The following PPEF1 variants were observed in gnomAD, a reference collection of about 807,000 sequenced individuals.
The protein encoded by PPEF1 is serine/threonine-protein phosphatase with EF-hands 1.
Under a neutral mutation model 53.3 loss-of-function variants are expected in PPEF1, and 12 were observed. That is an observed-to-expected ratio of 0.23 (90% CI 0.14 to 0.36). The LOEUF (loss-of-function observed/expected upper bound fraction) is 0.36. Among genes scored for constraint, PPEF1 ranks in the 10% least tolerant of loss-of-function variants. The pLI, the probability that PPEF1 is intolerant of heterozygous loss-of-function variation, is 1.00. For synonymous variants in PPEF1, 165 were observed against 176.7 expected, an observed-to-expected ratio of 0.93 and a Z score of 0.52; for missense variants, 334 against 490.4, an observed-to-expected ratio of 0.68 and a Z score of 3.01.
At chrX:18,685,141 G>A (rs1432393109) in intron 2 of PPEF1, among the ~76,000 whole-genome samples, 2 of 112,246 alleles carry the variant, frequency 1.8e-5, no homozygotes, top group Admixed American at 9.4e-5. Flanking sequence ...AACTGGGCAC[G>A]CAATAAGACT....
At chrX:18,777,004 C>CT (rs1296659069) in intron 6 of PPEF1, among the ~76,000 whole-genome samples, 2 of 112,596 alleles carry the variant, frequency 1.8e-5, no homozygotes, top group African/African-American at 6.4e-5. Flanking sequence ...TTGTATGTTG[C>CT]TTTACCATTT....
chrX:18,806,245 G>A (rs759677062), intron 11 of PPEF1, among the ~76,000 whole-genome samples, 158 bp from the exon 12 acceptor site: 1 of 111,231 alleles, frequency 9.0e-6, no homozygotes, highest in Admixed American at 9.7e-5. Context: ...GTTTTCCTCC[G>A]ATGCAGTCAT....
intron 8 of PPEF1, among the ~76,000 whole-genome samples, 179 bp from the exon 9 acceptor site, chrX:18,783,720 A>C (rs367549864): frequency 4.9e-4 from 54 of 110,863 alleles, no homozygotes; most frequent in African/African-American, 1.2e-3. Context: ...CATCTCAAAA[A>C]AAAAACAAAA....
chrX:18,775,596 G>C (rs938779512), intron 6 of PPEF1, among the ~76,000 whole-genome samples: 2 of 112,205 alleles, frequency 1.8e-5, no homozygotes, highest in South Asian at 7.4e-4. Flanking sequence ...GTTCTTTCTT[G>C]TATGTTCTTC....
Position 18,726,395 on chromosome X carries a change from T to TAAA in PPEF1, c.47-3786_47-3785insAAA, listed in dbSNP as rs2088421217. Among the ~76,000 whole-genome samples, 3 of 109,246 alleles carry TAAA rather than the reference T, an allele frequency of 2.7e-5. No homozygotes were observed. In the Admixed American group the frequency reaches 3.0e-4, roughly 11 times the overall value. The allele number at this position is 109,246 out of a possible 115,157, so 94.9% of individuals were successfully genotyped here. A position where few individuals can be genotyped will look rare whatever the true frequency, so the allele number is the denominator to read the frequency against. On this transcript the variant is annotated intron_variant, in intron 1 of 15. Transcript: ENST00000470157. ...ATAAATAAATAAATAAATAAATAAATGGCGGCCATTATTATTCAAAGGAAG... is the reference window on the plus strand; with the variant it reads ...ATAAATAAATAAATAAATAAATAAATAAAGGCGGCCATTATTATTCAAAGGAAG...
At chrX:18,806,570 T>C in intron 12 of PPEF1, 25 bp downstream of exon 12, 1 of 1,172,862 alleles carries the variant, frequency 8.5e-7, no homozygotes, top group Non-Finnish European at 1.1e-6. Context: ...CCGAGAGTGC[T>C]GAGCACTGGT....
chrX:18,765,067 A>G (rs764030198), intron 6 of PPEF1, among the ~76,000 whole-genome samples: 9 of 112,016 alleles, frequency 8.0e-5, no homozygotes, highest in Non-Finnish European at 1.7e-4. Context: ...AGCAAGATAT[A>G]TTTGGAGAGC....
At chrX:18,695,336 C>G (rs1313733216) in intron 4 of PPEF1, among the ~76,000 whole-genome samples, 1 of 112,912 alleles carries the variant, frequency 8.9e-6, no homozygotes, top group Non-Finnish European at 1.9e-5. Context: ...GACAGAAAAT[C>G]ACAGTCTTTT....
At chrX:18,698,148 A>G (rs981459068) in intron 5 of PPEF1, among the ~76,000 whole-genome samples, 1 of 112,146 alleles carries the variant, frequency 8.9e-6, no homozygotes, top group African/African-American at 3.2e-5. Context: ...TACCTAGAAC[A>G]TGGTCAGTGC....
At chrX:18,735,170 G>A (rs1224782482) in intron 3 of PPEF1, among the ~76,000 whole-genome samples, 4 of 111,775 alleles carry the variant, frequency 3.6e-5, no homozygotes, top group East Asian at 5.6e-4. Context: ...TGTTGCCATT[G>A]CTTTTGGTGT....
chrX:18,813,016 A>C (rs1342295593), intron 12 of PPEF1, among the ~76,000 whole-genome samples: 2 of 111,778 alleles, frequency 1.8e-5, no homozygotes, highest in Admixed American at 9.6e-5. Context: ...CTGGGATTAC[A>C]GATGTGAGCC....
chrX:18,719,402 A>G (rs1387760969), intron 1 of PPEF1, among the ~76,000 whole-genome samples: 1 of 103,943 alleles, frequency 9.6e-6, no homozygotes, highest in Non-Finnish European at 1.9e-5. Flanking sequence ...GCTGGAGTGC[A>G]GTGGCGCCAT....
chrX:18,769,188 C>G (rs1300438136), intron 6 of PPEF1, among the ~76,000 whole-genome samples: 1 of 111,893 alleles, frequency 8.9e-6, no homozygotes, highest in Non-Finnish European at 1.9e-5. Flanking sequence ...GGACTCTTCC[C>G]CACTGGGTAC....
In PPEF1 at chrX:18,806,478, G is replaced by A. The variant is rs11796620; in HGVS notation, c.1327G>A (p.Gly443Ser). The change falls in exon 12 of 16, where the codon GGT (glycine) becomes AGT (serine). Residue 443 changes from glycine to serine, a missense_variant. Physicochemically the swap from Gly to Ser is moderately conservative, Grantham distance 56 (BLOSUM62 0). Transcript: ENST00000470157. ...AGGAGCTTACATCAAACTATGTTCT[G>A]GTACAACTCCTCGATTTTTCCAGTA... ...NRGAYIKLCS[G>S]TTPRFFQYQV... The A allele has an allele frequency of 0.061, 73,944 of 1,206,061 alleles. 1,833 individuals carry two copies. The highest frequency in any genetic ancestry group is 0.072 in the Non-Finnish European group (64,176 of 892,461).
intron 9 of PPEF1, among the ~76,000 whole-genome samples, chrX:18,785,441 G>T (rs1016541957): frequency 9.0e-6 from 1 of 111,280 alleles, no homozygotes; most frequent in Non-Finnish European, 1.9e-5. Context: ...AAACTGAATA[G>T]AAAGTTTTTT....
chrX:18,686,586 G>A (rs1288065607), intron 3 of PPEF1, among the ~76,000 whole-genome samples: 2 of 111,017 alleles, frequency 1.8e-5, no homozygotes, highest in Non-Finnish European at 3.8e-5. Flanking sequence ...CAGGGCCCGC[G>A]CTTAGAGTTG....
chrX:18,694,026 A>G (rs1929568039), intron 4 of PPEF1, among the ~76,000 whole-genome samples: 2 of 111,314 alleles, frequency 1.8e-5, no homozygotes, highest in Admixed American at 9.5e-5. Flanking sequence ...CCCTGTCACT[A>G]TAGTTTTGTC....
In PPEF1 at chrX:18,676,521, G is replaced by A. The variant is rs1928682781; in HGVS notation, c.-587+391G>A. ...AGACGTTTTCAGAGGCCTCTCGAGC[G>A]CTTGATGCCTAGATTGTGGGCCACG... On this transcript the variant is annotated intron_variant, in intron 1 of 20. Transcript: ENST00000689646. 3.6e-5 allele frequency among the ~76,000 whole-genome samples: 4 copies of A among 110,714 alleles called. No individual in the cohort carries two copies. In the South Asian group the frequency reaches 1.6e-3, roughly 43 times the overall value.
intron 4 of PPEF1, among the ~76,000 whole-genome samples, chrX:18,751,017 C>T (rs1262809612): frequency 1.8e-5 from 2 of 111,486 alleles, no homozygotes; most frequent in Non-Finnish European, 3.8e-5. Flanking sequence ...ATTCTTTGCC[C>T]ACTTAAAATC....
Sources: allele counts gnomAD v4.1 joint callset (sites outside exome capture counted in the v4.1 genomes callset), GRCh38; gene constraint gnomAD v4.1.1; transcripts MANE v1.5; gene names NCBI Gene and HGNC (gene_info 2026-07-23, HGNC 2026-07-21).